Variants in ZNF541 observed in about 807,000 individuals in gnomAD.
ZNF541 encodes zinc finger protein 541.
ZNF541 carries 23 observed loss-of-function variants against 123.5 expected under a neutral mutation model. That is an observed-to-expected ratio of 0.19 (90% CI 0.13 to 0.26). ZNF541 has a LOEUF of 0.26. Among genes scored for constraint, ZNF541 ranks in the 10% least tolerant of loss-of-function variants. The pLI, the probability that ZNF541 is intolerant of heterozygous loss-of-function variation, is 1.00. For missense variants in ZNF541, 1,612 were observed against 1,789.9 expected (o/e 0.90, Z 1.79); for synonymous variants, 751 against 754.5 (o/e 1.00, Z 0.08).
rs780072882 is a variant in ZNF541 at position 47,544,980 on chromosome 19, C to A, written c.1549G>T (p.Gly517Trp). 9.8e-6 allele frequency: 15 copies of A among 1,530,816 alleles called. No individual in the cohort carries two copies. The highest frequency in any genetic ancestry group is 1.3e-5 in the Non-Finnish European group (15 of 1,144,592). The allele number at this position is 1,530,816 out of a possible 1,614,324, so 94.8% of individuals were successfully genotyped here. Residue 517 changes from glycine (G) to tryptophan (W), a missense_variant, in exon 5 of 17, where the codon GGG (glycine) becomes TGG (tryptophan). Physicochemically the swap from Gly to Trp is radical, Grantham distance 184 (BLOSUM62 -2). Coordinates refer to ENST00000391901, the MANE Select transcript of ZNF541 (RefSeq NM_001277075.3). ...DCDSFLCQNP[G>W]EPGLQEAQKA... ...TGGGCCTCCTGGAGGCCGGGCTCCC[C>A]GGGGTTCTGGCACAGGAAGGAGTCG... is the stretch of plus-strand genomic sequence containing the variant.
intron 2 of ZNF541, among the ~76,000 whole-genome samples, chr19:47,570,505 A>C (rs1178623478): frequency 7.5e-6 from 1 of 133,544 alleles, no homozygotes; most frequent in Non-Finnish European, 1.6e-5. Flanking sequence ...TGAACCTGGG[A>C]GGTAGAGTTT....
intron 4 of ZNF541, among the ~76,000 whole-genome samples, chr19:47,548,024 G>C (rs1418186129): frequency 7.6e-6 from 1 of 131,632 alleles, no homozygotes; most frequent in Admixed American, 8.6e-5. Context: ...CTGAGTGACA[G>C]AGCAAGACTG....
In ZNF541 at chr19:47,559,424, A is replaced by G. The variant is rs147508152; in HGVS notation, c.-98-3470T>C. 3.3e-4 allele frequency among the ~76,000 whole-genome samples: 50 copies of G among 152,064 alleles called. 2 individuals carry two copies. In the East Asian group the frequency reaches 9.1e-3, roughly 28 times the overall value. ...AAGAAGGAAGGAAGGAAGGAAAGAA[A>G]GACAGACTCAACTAGTAATTTTAAA... is the stretch of plus-strand genomic sequence containing the variant. On this transcript the variant is annotated intron_variant, in intron 2 of 16. Coordinates refer to ENST00000391901, the MANE Select transcript of ZNF541 (RefSeq NM_001277075.3).
intron 2 of ZNF541, among the ~76,000 whole-genome samples, chr19:47,566,145 C>A (rs765714661): frequency 7.2e-5 from 11 of 151,988 alleles, no homozygotes; most frequent in Non-Finnish European, 1.5e-4. Context: ...CCACTGCACT[C>A]CAGCCTGGGT....
intron 14 of ZNF541, among the ~76,000 whole-genome samples, chr19:47,523,307 C>T (rs1338598092): frequency 2.2e-5 from 3 of 133,694 alleles, no homozygotes; most frequent in African/African-American, 6.1e-5. Flanking sequence ...GCATTACAGG[C>T]GTGAGCCACC....
intron 2 of ZNF541, among the ~76,000 whole-genome samples, chr19:47,556,229 CAT>C (rs1438587753): frequency 5.9e-5 from 9 of 152,202 alleles, no homozygotes; most frequent in African/African-American, 1.2e-4. Context: ...CAGCTATAAA[CAT>C]ATACATGTAT....
At chr19:47,557,302 C>G (rs1313772295) in intron 2 of ZNF541, among the ~76,000 whole-genome samples, 1 of 151,964 alleles carries the variant, frequency 6.6e-6, no homozygotes, top group Non-Finnish European at 1.5e-5. Context: ...GAACCATCCA[C>G]AGGAAAACTA....
At position 47,532,171 on chromosome 19, in the gene ZNF541, C is replaced by T. The variant is rs1969603342; in HGVS notation, c.3258G>A (p.Lys1086=). Reference sequence around the variant, plus strand: ...AGCTGATCATCATATCTCCCCATGGCTTCCAGACCAGAGAAGCTACATGCT... The same window carrying T: ...AGCTGATCATCATATCTCCCCATGGTTTCCAGACCAGAGAAGCTACATGCT... ...TDEHVASLVW[K]PWGDMMISSE... Residue 1086 remains lysine, a synonymous_variant, in exon 11 of 17, where the codon AAG becomes AAA. Coordinates refer to ENST00000391901, the MANE Select transcript of ZNF541 (RefSeq NM_001277075.3). The T allele has an allele frequency of 1.3e-6, 2 of 1,551,786 alleles. No individual in the cohort carries two copies. Among genetic ancestry groups the T allele is most frequent in the Non-Finnish European group, 1.7e-6 (2 of 1,147,012 alleles).
intron 12 of ZNF541, among the ~76,000 whole-genome samples, chr19:47,531,225 T>C (rs1167874500): frequency 5.1e-5 from 1 of 19,662 alleles, no homozygotes; most frequent in African/African-American, 2.9e-4. Flanking sequence ...ACACCCAGAA[T>C]TGTGAGCGGG....
chr19:47,544,981 G>C lies in ZNF541; in HGVS notation c.1548C>G (p.Pro516=), dbSNP rs1183617275. Residue 516 remains proline, a synonymous_variant, in exon 5 of 17, where the codon CCC becomes CCG. Coordinates refer to ENST00000391901, the MANE Select transcript of ZNF541 (RefSeq NM_001277075.3). ...VDCDSFLCQN[P]GEPGLQEAQK... ...GGGCCTCCTGGAGGCCGGGCTCCCC[G>C]GGGTTCTGGCACAGGAAGGAGTCGC... 2.0e-6 allele frequency: 3 copies of C among 1,531,036 alleles called. No individual in the cohort carries two copies. The highest frequency in any genetic ancestry group is 4.0e-5 in the Admixed American group (2 of 50,010). 94.8% of individuals were successfully genotyped at this position (1,531,036 alleles called of 1,614,324 possible).
chr19:47,573,284 G>A (rs528076168), upstream of ZNF541, among the ~76,000 whole-genome samples: 130 of 152,040 alleles, frequency 8.6e-4, no homozygotes, highest in Non-Finnish European at 9.9e-4. Flanking sequence ...CGTGCCTCCT[G>A]GCCGCGCGCT....
chr19:47,545,520 C>T lies in ZNF541; in HGVS notation c.1009G>A (p.Glu337Lys), dbSNP rs769469428. 1.5e-5 allele frequency: 23 copies of T among 1,512,744 alleles called. No individual in the cohort carries two copies. The South Asian group carries it at 2.4e-4, about 16-fold the overall frequency. 93.7% of individuals were successfully genotyped at this position (1,512,744 alleles called of 1,614,324 possible). ...PAALDTELPE[E>K]PCLPQKEPAT... is the part of the protein sequence containing the mutation. ...GGCTCTTTCTGTGGGAGGCAAGGCT[C>T]CTCGGGAAGCTCGGTGTCCAGCGCT... Residue 337 changes from glutamate to lysine, a missense_variant, in exon 5 of 17, where the codon GAG becomes AAG. Physicochemically the swap from Glu to Lys is moderately conservative, Grantham distance 56 (BLOSUM62 1). This residue lies in a region of ZNF541 where 1,080 missense variants were observed against 1,013.8 expected (regional missense o/e 1.07). Transcript: ENST00000391901. The surrounding 1 kb of genome is among the most constrained non-coding windows in gnomAD (Gnocchi z 7.5).
chr19:47,569,997 G>A (rs1241687693), intron 2 of ZNF541, among the ~76,000 whole-genome samples: 2 of 152,104 alleles, frequency 1.3e-5, no homozygotes, highest in Middle Eastern at 3.2e-3. Context: ...TTCTCTGGCC[G>A]GGCACGGTGG....
At position 47,555,705 on chromosome 19, in the gene ZNF541, C is replaced by G. The variant is rs1313595225; in HGVS notation, c.152G>C (p.Gly51Ala). Residue 51 changes from glycine to alanine, a missense_variant, in exon 3 of 17, where the codon GGT becomes GCT. Transcript: ENST00000391901. ...TRGFLYAGLSGLDPDPSLPTP... is the reference protein window; with the variant it reads ...TRGFLYAGLSALDPDPSLPTP... The stretch of plus-strand genomic sequence containing the variant: ...TGGGAGGCTGGGGTCCGGGTCCAGA[C>G]CACTCAGGCCAGCATAAAGAAAGCC... 1 of 1,551,718 alleles carries G rather than the reference C, an allele frequency of 6.4e-7. No homozygotes were observed. The highest frequency in any genetic ancestry group is 2.4e-5 in the East Asian group (1 of 40,916).
At chr19:47,568,497 C>T (rs992003049) in intron 2 of ZNF541, among the ~76,000 whole-genome samples, 1 of 152,104 alleles carries the variant, frequency 6.6e-6, no homozygotes. Context: ...GCATGTGCCA[C>T]CACACCTGGC....
chr19:47,538,226 G>A lies in ZNF541; in HGVS notation c.3010C>T (p.Arg1004Trp). The stretch of plus-strand genomic sequence containing the variant: ...TTGAAGTACACCCCAGAGCCCTCCC[G>A]GATGGGGCTGAGCATTGGGGGTGGT... ...YTPPPMLSPI[R>W]EGSGVYFNTL... The change falls in exon 9 of 17, where the codon CGG (arginine) becomes TGG (tryptophan). Residue 1004 changes from arginine to tryptophan, a missense_variant. Physicochemically the swap from Arg to Trp is moderately radical, Grantham distance 101 (BLOSUM62 -3). Around this residue, in one of 5 missense-constraint regions of ZNF541, gnomAD observed 285 missense variants for 407.3 expected, o/e 0.70. Transcript: ENST00000391901. 1.3e-6 allele frequency: 2 copies of A among 1,551,630 alleles called. No homozygotes were observed. Among genetic ancestry groups the A allele is most frequent in the Non-Finnish European group, 1.7e-6 (2 of 1,146,992 alleles).
intron 9 of ZNF541, among the ~76,000 whole-genome samples, chr19:47,534,376 T>C (rs1568489116): frequency 6.6e-6 from 1 of 152,094 alleles, no homozygotes; most frequent in Non-Finnish European, 1.5e-5. Flanking sequence ...AAAGGCCTGA[T>C]GCAGTGGCTC....
intron 10 of ZNF541, 33 bp from the exon 11 acceptor site, chr19:47,532,303 G>C: frequency 6.5e-7 from 1 of 1,548,118 alleles, no homozygotes; most frequent in Non-Finnish European, 8.7e-7. Context: ...TAAGGGAGAC[G>C]TACAAACATG....
intron 14 of ZNF541, among the ~76,000 whole-genome samples, chr19:47,523,125 T>G (rs1349347160): frequency 6.7e-6 from 1 of 148,440 alleles, no homozygotes; most frequent in Non-Finnish European, 1.5e-5. Context: ...ACCTCCCAGG[T>G]TCAAGCAATT....
Sources: gnomAD v4.1 joint callset for allele counts (sites outside exome capture counted in the v4.1 genomes callset) on GRCh38, gnomAD v4.1.1 for gene constraint, gnomAD v4.1.1 regional missense constraint, Gnocchi (gnomAD v3.1) non-coding constraint, MANE v1.5 for transcripts, NCBI Gene and HGNC (gene_info 2026-07-23, HGNC 2026-07-21) for gene names.